DTNA: variants seen among roughly 807,000 people sequenced by gnomAD.
DTNA encodes dystrobrevin alpha, also known as dystrophin-related protein 3.
In DTNA, 43 loss-of-function variants were observed where a neutral mutation model predicts 100.7. The ratio of observed to expected loss-of-function variants is 0.43; its 90% CI spans 0.33 to 0.55. The LOEUF (loss-of-function observed/expected upper bound fraction) is 0.55. Ranked by LOEUF, DTNA falls within the 20% of genes least tolerant of loss-of-function variation. The pLI, the probability that DTNA is intolerant of heterozygous loss-of-function variation, is 0.04. For synonymous variants in DTNA, 349 were observed against 347.9 expected, an observed-to-expected ratio of 1.00 and a Z score of -0.04; for missense variants, 798 against 953.9, an observed-to-expected ratio of 0.84 and a Z score of 2.15.
At chr18:34,691,948 C>T (rs1447177737) in intron 1 of DTNA, among the ~76,000 whole-genome samples, 1 of 152,174 alleles carries the variant, frequency 6.6e-6, no homozygotes, top group Non-Finnish European at 1.5e-5. Context: ...TGCACATAGA[C>T]TTTTGGGTTA....
intron 3 of DTNA, among the ~76,000 whole-genome samples, chr18:34,772,616 C>G (rs2093835545): frequency 6.6e-6 from 1 of 152,166 alleles, no homozygotes; most frequent in African/African-American, 2.4e-5. Flanking sequence ...ATATTCCACT[C>G]ATTTTTCTTC....
intron 1 of DTNA, among the ~76,000 whole-genome samples, chr18:34,614,424 G>A (rs1316582810): frequency 6.6e-6 from 1 of 152,130 alleles, no homozygotes; most frequent in African/African-American, 2.4e-5. Flanking sequence ...GGCTGTAGCT[G>A]CAATAGACAA....
intron 1 of DTNA, among the ~76,000 whole-genome samples, chr18:34,670,539 C>T (rs2076597876): frequency 1.3e-5 from 2 of 152,118 alleles, no homozygotes; most frequent in Admixed American, 1.3e-4. Flanking sequence ...TGTTTTTTCC[C>T]CATCTTTGTG....
intron 1 of DTNA, among the ~76,000 whole-genome samples, chr18:34,721,804 TA>T (rs11345018): frequency 0.11 from 16,689 of 152,206 alleles, 1,292 homozygotes; most frequent in African/African-American, 0.21. Context: ...CTGTATTCTT[TA>T]AAAACCTTCC....
At chr18:34,659,417 G>T (rs889746288) in intron 1 of DTNA, among the ~76,000 whole-genome samples, 1 of 151,934 alleles carries the variant, frequency 6.6e-6, no homozygotes, top group African/African-American at 2.4e-5. Flanking sequence ...TGGGCTAGCC[G>T]CATTTCAACT....
intron 1 of DTNA, among the ~76,000 whole-genome samples, chr18:34,550,505 A>T (rs978810724): frequency 3.3e-5 from 5 of 152,150 alleles, no homozygotes; most frequent in African/African-American, 1.2e-4. Flanking sequence ...AGGTGAATCG[A>T]CACATTTTTT....
At chr18:34,515,408 G>C (rs2041501036) in intron 1 of DTNA, among the ~76,000 whole-genome samples, 1 of 151,982 alleles carries the variant, frequency 6.6e-6, no homozygotes, top group Admixed American at 6.6e-5. Flanking sequence ...AATGCAAAAG[G>C]GTGTTAGTAC....
intron 13 of DTNA, among the ~76,000 whole-genome samples, chr18:34,845,109 A>G (rs1020642969): frequency 2.0e-5 from 3 of 152,146 alleles, no homozygotes; most frequent in Non-Finnish European, 4.4e-5. Context: ...TGATTTAGGG[A>G]TTGTTGATCA....
chr18:34,520,662 A>T (rs2439854), intron 1 of DTNA, among the ~76,000 whole-genome samples: 93,103 of 151,852 alleles, frequency 0.61, 29,670 homozygotes, highest in East Asian at 0.91. Context: ...TCTCAAAAAA[A>T]AATAATAATA....
intron 1 of DTNA, among the ~76,000 whole-genome samples, chr18:34,747,717 C>T (rs981431712): frequency 3.9e-5 from 6 of 152,072 alleles, no homozygotes; most frequent in East Asian, 3.9e-4. Context: ...TATATGTATA[C>T]CACATTTTCT....
At chr18:34,581,097 A>G (rs2048569467) in intron 1 of DTNA, among the ~76,000 whole-genome samples, 1 of 152,092 alleles carries the variant, frequency 6.6e-6, no homozygotes, top group Non-Finnish European at 1.5e-5. Context: ...TACAAAAAAA[A>G]AATTAGCCGG....
At chr18:34,564,149 C>CTT (rs879725183) in intron 1 of DTNA, among the ~76,000 whole-genome samples, 52 of 146,654 alleles carry the variant, frequency 3.5e-4, no homozygotes, top group African/African-American at 1.2e-3. Context: ...TCCGTACTTC[C>CTT]TTTTTTTTTT....
chr18:34,773,333 A>C (rs1456988428), intron 3 of DTNA, among the ~76,000 whole-genome samples: 1 of 152,218 alleles, frequency 6.6e-6, no homozygotes, highest in African/African-American at 2.4e-5. Context: ...TCAGATAACG[A>C]TGTATAAAAT....
intron 1 of DTNA, among the ~76,000 whole-genome samples, chr18:34,736,912 G>T (rs1441793080): frequency 6.6e-6 from 1 of 152,142 alleles, no homozygotes; most frequent in Non-Finnish European, 1.5e-5. Flanking sequence ...CATATAATTT[G>T]ATCTTCCTGC....
chr18:34,883,016 T>G (rs143194011), intron 21 of DTNA, among the ~76,000 whole-genome samples: 4 of 152,328 alleles, frequency 2.6e-5, no homozygotes, highest in African/African-American at 7.2e-5. Flanking sequence ...TCAGATGTAC[T>G]GGAGTATGTT....
At chr18:34,813,669 A>G (rs1397151975) in intron 6 of DTNA, among the ~76,000 whole-genome samples, 1 of 152,018 alleles carries the variant, frequency 6.6e-6, no homozygotes, top group Non-Finnish European at 1.5e-5. Flanking sequence ...CCTGTCCAAT[A>G]TGTTGAAACC....
chr18:34,532,030 C>T (rs765686077), intron 1 of DTNA, among the ~76,000 whole-genome samples: 98 of 152,078 alleles, frequency 6.4e-4, no homozygotes, highest in Non-Finnish European at 1.2e-3. Context: ...TTAATTCAAA[C>T]AGCATTCACA....
At chr18:34,828,957 C>T (rs2095930947) in intron 10 of DTNA, 2 of 1,495,292 alleles carry the variant, frequency 1.3e-6, no homozygotes, top group Non-Finnish European at 1.9e-6. Context: ...GAAATATGTA[C>T]TTTTATTAGG....
intron 1 of DTNA, among the ~76,000 whole-genome samples, chr18:34,494,901 C>A (rs1170282834): frequency 6.8e-6 from 1 of 148,018 alleles, no homozygotes; most frequent in East Asian, 2.0e-4. Context: ...TTTTTTTTTT[C>A]TTTTGCTTAT....
Sources: gnomAD v4.1 joint callset for allele counts (sites outside exome capture counted in the v4.1 genomes callset) on GRCh38, gnomAD v4.1.1 for gene constraint, MANE v1.5 for transcripts, NCBI Gene and HGNC (gene_info 2026-07-23, HGNC 2026-07-21) for gene names.